The following PRTG variants were observed in gnomAD, a reference collection of about 807,000 sequenced individuals.
The protein encoded by PRTG is immunoglobulin superfamily, DCC subclass, member 5.
In PRTG, 67 loss-of-function variants were observed where a neutral mutation model predicts 122.5. The observed-to-expected ratio is 0.55, with a 90% CI of 0.45 to 0.67. The LOEUF (loss-of-function observed/expected upper bound fraction) is 0.67. Among genes scored for constraint, PRTG ranks in the 30% least tolerant of loss-of-function variants. PRTG has a pLI of 0.00. For missense variants in PRTG, 1,435 were observed against 1,415.4 expected, an observed-to-expected ratio of 1.01 and a Z score of -0.22; for synonymous variants, 554 against 501.1, an observed-to-expected ratio of 1.11 and a Z score of -1.41.
intron 2 of PRTG, among the ~76,000 whole-genome samples, chr15:55,739,140 T>A (rs890923175): frequency 6.6e-6 from 1 of 152,146 alleles, no homozygotes; most frequent in African/African-American, 2.4e-5. Flanking sequence ...ATAGTTAATA[T>A]AAGGATGGCA....
At chr15:55,689,015 A>G (rs1469422343) in intron 2 of PRTG, among the ~76,000 whole-genome samples, 2 of 152,096 alleles carry the variant, frequency 1.3e-5, no homozygotes, top group Admixed American at 6.6e-5. Context: ...ACTGATTTTA[A>G]CTCCTAAACA....
intron 8 of PRTG, 134 bp downstream of exon 8, chr15:55,677,663 T>C: frequency 1.4e-6 from 1 of 730,742 alleles, no homozygotes; most frequent in African/African-American, 1.8e-5. Flanking sequence ...AGGTGATAGA[T>C]TATTTTATCA....
chr15:55,627,329 T>TTG (rs1394280598), intron 16 of PRTG, among the ~76,000 whole-genome samples: 4 of 149,038 alleles, frequency 2.7e-5, no homozygotes, highest in Admixed American at 2.7e-4. Context: ...TATTAAAGTT[T>TTG]TTTTTTTTTT....
chr15:55,721,241 T>G (rs1464071550), intron 2 of PRTG, among the ~76,000 whole-genome samples: 5 of 152,212 alleles, frequency 3.3e-5, no homozygotes, highest in African/African-American at 1.2e-4. Context: ...GAGTTCTCAC[T>G]GTGCTGTCCC....
chr15:55,707,982 T>C (rs1417223701), intron 2 of PRTG, among the ~76,000 whole-genome samples: 2 of 151,784 alleles, frequency 1.3e-5, no homozygotes, highest in East Asian at 3.9e-4. Context: ...ATTTGAAAAA[T>C]ATTTGGAAAT....
At chr15:55,732,493 CTTTTTTTTTT>C (rs35478271) in intron 2 of PRTG, among the ~76,000 whole-genome samples, 4 of 130,326 alleles carry the variant, frequency 3.1e-5, no homozygotes, top group African/African-American at 1.2e-4. Context: ...CCAGGGTAAA[CTTTTTTTTTT>C]TTTTTTTTGA....
intron 11 of PRTG, among the ~76,000 whole-genome samples, chr15:55,667,248 T>C (rs865902710): frequency 6.6e-6 from 1 of 152,052 alleles, no homozygotes. Context: ...AATTCTTATA[T>C]AGCTCTTACA....
At chr15:55,645,757 G>A (rs966042154) in intron 11 of PRTG, among the ~76,000 whole-genome samples, 1 of 152,106 alleles carries the variant, frequency 6.6e-6, no homozygotes, top group Admixed American at 6.6e-5. Flanking sequence ...CCAGTCCCAA[G>A]GCCTGTTTCA....
rs1595601945 is a variant in PRTG at position 55,627,079 on chromosome 15, A to G, written c.2856T>C (p.Ala952=). ...HLDQKSMTGI[A]VGVGIALTCI... The stretch of plus-strand genomic sequence containing the variant: ...AGGTCAAGGCTATGCCAACACCTAC[A>G]GCAATGCCAGTCATTGATTTTTGGT... Residue 952 remains alanine, a synonymous_variant, in exon 17 of 20, where the codon GCT becomes GCC. Transcript: ENST00000389286. 7 of 1,609,842 alleles carry G rather than the reference A, an allele frequency of 4.3e-6. No homozygotes were observed. The highest frequency in any genetic ancestry group is 5.9e-6 in the Non-Finnish European group (7 of 1,176,712).
At chr15:55,648,877 T>C (rs1193399242) in intron 11 of PRTG, among the ~76,000 whole-genome samples, 1 of 151,878 alleles carries the variant, frequency 6.6e-6, no homozygotes, top group African/African-American at 2.4e-5. Flanking sequence ...GGCGGGCGGA[T>C]TATGACGTCA....
At chr15:55,742,006 T>C (rs2031624330) in intron 1 of PRTG, among the ~76,000 whole-genome samples, 1 of 152,208 alleles carries the variant, frequency 6.6e-6, no homozygotes, top group South Asian at 2.1e-4. Flanking sequence ...TTTACACTTT[T>C]ATCTCTTCTA....
chr15:55,636,657 A>AC (rs909609914), intron 15 of PRTG, among the ~76,000 whole-genome samples: 7 of 149,860 alleles, frequency 4.7e-5, no homozygotes, highest in South Asian at 4.3e-4. Context: ...TCTTTTTTTT[A>AC]CCCCCCCGAG....
At chr15:55,729,172 G>A (rs1271985494) in intron 2 of PRTG, among the ~76,000 whole-genome samples, 2 of 152,126 alleles carry the variant, frequency 1.3e-5, no homozygotes, top group African/African-American at 2.4e-5. Context: ...TCCACACAAT[G>A]TAATCTTATT....
At chr15:55,700,716 G>A (rs1046913479) in intron 2 of PRTG, among the ~76,000 whole-genome samples, 1 of 152,112 alleles carries the variant, frequency 6.6e-6, no homozygotes, top group Non-Finnish European at 1.5e-5. Flanking sequence ...GGGAGGTCGA[G>A]GCTGTACTGA....
intron 11 of PRTG, among the ~76,000 whole-genome samples, chr15:55,641,431 T>C (rs888574324): frequency 6.6e-6 from 1 of 152,210 alleles, no homozygotes; most frequent in Non-Finnish European, 1.5e-5. Context: ...TAATCTAATT[T>C]CAAACAATAA....
chr15:55,688,717 C>G (rs982970982), intron 2 of PRTG, among the ~76,000 whole-genome samples: 5 of 152,138 alleles, frequency 3.3e-5, no homozygotes, highest in Admixed American at 6.5e-5. Flanking sequence ...ACCTGTAGTC[C>G]CAGCTACTAG....
intron 2 of PRTG, among the ~76,000 whole-genome samples, chr15:55,693,041 G>A (rs923437119): frequency 1.3e-5 from 2 of 151,592 alleles, no homozygotes; most frequent in Admixed American, 6.6e-5. Flanking sequence ...GTAGAGACGG[G>A]GTTTCACCAT....
chr15:55,726,482 G>GA (rs2031035080), intron 2 of PRTG, among the ~76,000 whole-genome samples: 1 of 151,776 alleles, frequency 6.6e-6, no homozygotes, highest in Admixed American at 6.6e-5. Flanking sequence ...ACTAACATCA[G>GA]AAAAAAATAG....
rs2141697889 is a variant in PRTG, at chr15:55,612,948, T to C, written c.*7064A>G. The C allele has an allele frequency of 6.6e-6, 1 of 151,992 alleles. No homozygotes were observed. The highest frequency in any genetic ancestry group is 2.4e-5 in the African/African-American group (1 of 41,444). The allele number at this position is 151,992 out of a possible 1,614,324, so 9.4% of individuals were successfully genotyped here. ...TTTTCATTTCAACAAAGGCAAAATA[T>C]AATTGCAAAGGCTGACTTGAAAAGA... On this transcript the variant is annotated 3_prime_UTR_variant, in exon 20 of 20. Coordinates refer to ENST00000389286, the MANE Select transcript of PRTG (RefSeq NM_173814.6).
Sources: allele counts gnomAD v4.1 joint callset (sites outside exome capture counted in the v4.1 genomes callset), GRCh38; gene constraint gnomAD v4.1.1; transcripts MANE v1.5; gene names NCBI Gene and HGNC (gene_info 2026-07-23, HGNC 2026-07-21).